Variants in ATF7IP2 observed in about 807,000 individuals in gnomAD.
ATF7IP2 encodes the protein activating transcription factor 7-interacting protein 2.
In ATF7IP2, 42 loss-of-function variants were observed where a neutral mutation model predicts 64.2. The ratio of observed to expected loss-of-function variants is 0.65; its 90% confidence interval spans 0.51 to 0.85. The LOEUF (loss-of-function observed/expected upper bound fraction) is 0.85. Ranked by LOEUF, ATF7IP2 falls within the 40% of genes least tolerant of loss-of-function variation. ATF7IP2 has a pLI of 0.00. For missense variants in ATF7IP2, 933 were observed against 784.2 expected, an observed-to-expected ratio of 1.19 and a Z score of -2.27; for synonymous variants, 308 against 272.8, an observed-to-expected ratio of 1.13 and a Z score of -1.27.
chr16:10,460,613 T>C (rs561693619), intron 9 of ATF7IP2, among the ~76,000 whole-genome samples: 137 of 152,262 alleles, frequency 9.0e-4, no homozygotes, highest in Middle Eastern at 3.4e-3. Flanking sequence ...TGGGAAATGA[T>C]TGACTTTTAG....
rs544163278 is a variant in ATF7IP2, at chr16:10,423,872, G to A, written c.-160+4249G>A. Reference sequence around the variant, plus strand: ...TTCTTACCACAGGGATTGCTTAAGAGTACTCGGGTGTCCTCCAGCGTAGTT... The same window carrying A: ...TTCTTACCACAGGGATTGCTTAAGAATACTCGGGTGTCCTCCAGCGTAGTT... On this transcript the variant is annotated intron_variant, in intron 3 of 13. Coordinates refer to ENST00000562102, the MANE Select transcript of ATF7IP2 (RefSeq NM_001393719.1). 3.3e-5 allele frequency among the ~76,000 whole-genome samples: 5 copies of A among 152,292 alleles called. No individual in the cohort carries two copies. The South Asian group carries it at 1.0e-3, about 32-fold the overall frequency.
At chr16:10,449,905 A>T (rs2141977754) in intron 8 of ATF7IP2, among the ~76,000 whole-genome samples, 1 of 151,884 alleles carries the variant, frequency 6.6e-6, no homozygotes, top group Non-Finnish European at 1.5e-5. Flanking sequence ...TACTTCTTTT[A>T]ATTTTGATGT....
chr16:10,465,593 G>C (rs566836066), intron 9 of ATF7IP2, among the ~76,000 whole-genome samples: 8 of 150,916 alleles, frequency 5.3e-5, no homozygotes, highest in Non-Finnish European at 1.0e-4. Context: ...CAGAAAATTA[G>C]CTGGGCGTAG....
intron 4 of ATF7IP2, 137 bp from the exon 5 acceptor site, chr16:10,430,474 T>C: frequency 1.7e-6 from 1 of 576,990 alleles, no homozygotes. Context: ...GATATGATTT[T>C]CAGTAAGGTG....
At chr16:10,426,946 G>A (rs183687240) in intron 3 of ATF7IP2, among the ~76,000 whole-genome samples, 3 of 149,964 alleles carry the variant, frequency 2.0e-5, no homozygotes, top group East Asian at 4.0e-4. Context: ...TCCATCTCCC[G>A]GGTTCAAGCG....
At chr16:10,418,280 T>A (rs1397196512) in intron 2 of ATF7IP2, among the ~76,000 whole-genome samples, 1 of 152,238 alleles carries the variant, frequency 6.6e-6, no homozygotes, top group Non-Finnish European at 1.5e-5. Flanking sequence ...AGGTGTTCCT[T>A]GCCCTCATTC....
Position 10,421,509 on chromosome 16 carries a change from A to T in ATF7IP2, c.-160+1886A>T, listed in dbSNP as rs1273775682. Among the ~76,000 whole-genome samples, 5 of 152,234 alleles carry T rather than the reference A, an allele frequency of 3.3e-5. No homozygotes were observed. The East Asian group carries it at 9.6e-4, about 29-fold the overall frequency. On this transcript the variant is annotated intron_variant, in intron 3 of 13. Coordinates refer to ENST00000562102, the MANE Select transcript of ATF7IP2 (RefSeq NM_001393719.1). ...TTTATGTCCCCTAGTAATTTTTGAA[A>T]GTCACTTAATGTTTTCAATTGATCC... is the stretch of plus-strand genomic sequence containing the variant.
intron 1 of ATF7IP2, among the ~76,000 whole-genome samples, chr16:10,396,030 A>G (rs989267266): frequency 7.9e-5 from 12 of 152,198 alleles, no homozygotes; most frequent in African/African-American, 2.9e-4. Flanking sequence ...GAGATTCACA[A>G]ACCATTAAAG....
In ATF7IP2 at chr16:10,431,377, G is replaced by C; in HGVS notation, c.757G>C (p.Glu253Gln). 1 of 1,613,972 alleles carries C rather than the reference G, an allele frequency of 6.2e-7. No individual in the cohort carries two copies. Among genetic ancestry groups the C allele is most frequent in the Non-Finnish European group, 8.5e-7 (1 of 1,179,880 alleles). The change falls in exon 5 of 14, where the codon GAG becomes CAG. Residue 253 changes from glutamate (E) to glutamine (Q), a missense_variant. Coordinates refer to ENST00000562102, the MANE Select transcript of ATF7IP2 (RefSeq NM_001393719.1). Reference sequence around the variant, plus strand: ...TGCTGATGACATTTTGAAAACTGATGAGTGTAGTAGAACCAGTATTTCAAA... The same window carrying C: ...TGCTGATGACATTTTGAAAACTGATCAGTGTAGTAGAACCAGTATTTCAAA... ...NCADDILKTDECSRTSISNCE... is the reference protein window; with the variant it reads ...NCADDILKTDQCSRTSISNCE...
At chr16:10,439,522 C>A (rs2048538912) in intron 7 of ATF7IP2, among the ~76,000 whole-genome samples, 1 of 147,606 alleles carries the variant, frequency 6.8e-6, no homozygotes, top group African/African-American at 2.5e-5. Context: ...GCGTGAGCCA[C>A]CGCCCCCAGC....
intron 1 of ATF7IP2, among the ~76,000 whole-genome samples, chr16:10,388,049 C>T (rs2047238957): frequency 1.3e-5 from 2 of 151,964 alleles, no homozygotes; most frequent in Non-Finnish European, 2.9e-5. Flanking sequence ...ATTATAGGCG[C>T]CCGACTAGTT....
intron 3 of ATF7IP2, among the ~76,000 whole-genome samples, chr16:10,427,348 G>T (rs1034078461): frequency 7.9e-5 from 12 of 152,164 alleles, no homozygotes; most frequent in African/African-American, 2.9e-4. Flanking sequence ...AAGTAGATTG[G>T]CTAAAATCAA....
chr16:10,393,645 G>A lies in ATF7IP2; in HGVS notation c.-242+7523G>A, dbSNP rs1296292461. Among the ~76,000 whole-genome samples the A allele has an allele frequency of 4.6e-5, 7 of 152,286 alleles. No individual in the cohort carries two copies. The East Asian group carries it at 1.2e-3, about 25-fold the overall frequency. On this transcript the variant is annotated intron_variant, in intron 1 of 13. Transcript: ENST00000562102. ...TTAGGTTTTGCTATGATGCTCGGTA[G>A]GTTAGTTGTACCTGTATTAACTGCA...
At chr16:10,400,762 A>G (rs1434045938) in intron 1 of ATF7IP2, among the ~76,000 whole-genome samples, 1 of 151,894 alleles carries the variant, frequency 6.6e-6, no homozygotes, top group Non-Finnish European at 1.5e-5. Context: ...GCTCATTGCA[A>G]CCTCCATCTC....
intron 7 of ATF7IP2, among the ~76,000 whole-genome samples, chr16:10,438,850 C>G (rs550974550): frequency 8.3e-4 from 127 of 152,108 alleles, no homozygotes; most frequent in African/African-American, 2.9e-3. Flanking sequence ...GTCAAGAGAT[C>G]GAGACCGTCC....
At chr16:10,447,768 A>T (rs1185041221) in intron 8 of ATF7IP2, 1 of 152,248 alleles carries the variant, frequency 6.6e-6, no homozygotes, top group Non-Finnish European at 1.5e-5. Flanking sequence ...GTCAGCTACA[A>T]GCTTGGTGGA....
chr16:10,410,319 TTTGTTTTGTTTTGTTTTG>T (rs2047729091), intron 1 of ATF7IP2, among the ~76,000 whole-genome samples: 1 of 8,472 alleles, frequency 1.2e-4, no homozygotes, highest in African/African-American at 4.0e-3. Flanking sequence ...TAAGTTTTGT[TTTGTTTTGTTTTGTTTTG>T]TTTTGTTTTG....
Position 10,464,385 on chromosome 16 carries a change from T to A in ATF7IP2, c.1352+6856T>A, listed in dbSNP as rs747639235. On this transcript the variant is annotated intron_variant, in intron 9 of 13. Coordinates refer to ENST00000562102, the MANE Select transcript of ATF7IP2 (RefSeq NM_001393719.1). ...ATTGTTTTTTCTCATGCCACAGGTATTGAAGGAATTAGTGCCACTGTTGTC... is the reference window on the plus strand; with the variant it reads ...ATTGTTTTTTCTCATGCCACAGGTAATGAAGGAATTAGTGCCACTGTTGTC... Among the ~76,000 whole-genome samples, 4 of 152,166 alleles carry A rather than the reference T, an allele frequency of 2.6e-5. No homozygotes were observed. In the East Asian group the frequency reaches 7.7e-4, roughly 29 times the overall value.
In ATF7IP2 at chr16:10,466,487, C is replaced by T. The variant is rs567370960; in HGVS notation, c.1353-5623C>T. Among the ~76,000 whole-genome samples the T allele has an allele frequency of 1.5e-4, 23 of 152,212 alleles. No individual in the cohort carries two copies. The East Asian group carries it at 4.2e-3, about 28-fold the overall frequency. ...GAAGTTGTACCAAGTTATACTCCCA[C>T]TATAAGTACATGAGATTTTTATTAC... is the stretch of plus-strand genomic sequence containing the variant. On this transcript the variant is annotated intron_variant, in intron 9 of 13. Transcript: ENST00000562102.
Sources: allele counts gnomAD v4.1 joint callset (sites outside exome capture counted in the v4.1 genomes callset), GRCh38; gene constraint gnomAD v4.1.1; transcripts MANE v1.5; gene names NCBI Gene and HGNC (gene_info 2026-07-23, HGNC 2026-07-21).